Variants in ASIC2 observed in about 807,000 individuals in gnomAD.
The protein encoded by ASIC2 is acid sensing ion channel subunit 2, also known as acid-sensing ion channel 2.
A neutral mutation model predicts 57.3 loss-of-function variants in ASIC2; 25 were observed. That is an observed-to-expected ratio of 0.44 (90% CI 0.32 to 0.61). The LOEUF (loss-of-function observed/expected upper bound fraction) is 0.61. ASIC2 is among the 20% of genes least tolerant of loss of function. The pLI is 0.06. For missense variants in ASIC2, 641 were observed against 738.1 expected (o/e 0.87, Z 1.52); for synonymous variants, 319 against 307.5 (o/e 1.04, Z -0.39).
At chr17:34,109,960 G>A (rs191868439) in intron 1 of ASIC2, among the ~76,000 whole-genome samples, 45 of 151,862 alleles carry the variant, frequency 3.0e-4, no homozygotes, top group Non-Finnish European at 5.1e-4. Context: ...GTGTGTGAGA[G>A]AGAAAGAGAG....
intron 1 of ASIC2, among the ~76,000 whole-genome samples, chr17:33,845,377 T>C (rs1913551681): frequency 6.6e-6 from 1 of 152,218 alleles, no homozygotes; most frequent in African/African-American, 2.4e-5. Flanking sequence ...AGAATGCTTG[T>C]ATTTCATTGA....
At chr17:33,087,381 G>C (rs1193124793) in intron 3 of ASIC2, among the ~76,000 whole-genome samples, 1 of 151,932 alleles carries the variant, frequency 6.6e-6, no homozygotes, top group African/African-American at 2.4e-5. Flanking sequence ...TAGAGGCCAG[G>C]CTAACCTTCC....
At chr17:33,122,638 C>T (rs1275505876) in intron 1 of ASIC2, among the ~76,000 whole-genome samples, 3 of 152,156 alleles carry the variant, frequency 2.0e-5, no homozygotes, top group African/African-American at 4.8e-5. Flanking sequence ...ACCTCACATA[C>T]TTATCATGTC....
intron 1 of ASIC2, among the ~76,000 whole-genome samples, chr17:33,477,676 G>A (rs1009150351): frequency 5.9e-5 from 9 of 152,188 alleles, no homozygotes; most frequent in Admixed American, 2.6e-4. Flanking sequence ...ACATGACCAC[G>A]TCCCTGCCCT....
intron 1 of ASIC2, among the ~76,000 whole-genome samples, chr17:33,886,042 C>T (rs755014640): frequency 2.6e-5 from 4 of 152,190 alleles, no homozygotes; most frequent in Non-Finnish European, 5.9e-5. Context: ...ATTTATCAGT[C>T]AGGATCAATA....
intron 1 of ASIC2, among the ~76,000 whole-genome samples, chr17:33,585,744 C>G (rs1473618522): frequency 6.6e-6 from 1 of 152,132 alleles, no homozygotes; most frequent in Non-Finnish European, 1.5e-5. Flanking sequence ...ATGTTATAAC[C>G]TGCATTTTAG....
intron 1 of ASIC2, among the ~76,000 whole-genome samples, chr17:33,717,684 C>A (rs769408728): frequency 5.3e-5 from 8 of 152,072 alleles, no homozygotes; most frequent in Non-Finnish European, 1.2e-4. Context: ...AGAGAAGAGC[C>A]ACCCCCTGCC....
chr17:33,719,649 T>C lies in ASIC2; in HGVS notation c.555+436329A>G, dbSNP rs1484306694. ...AACATCACAGTTGGGCATGGAGCCT[T>C]CAGTACCCTTTGAAGTTGGATTTAG... On this transcript the variant is annotated intron_variant, in intron 1 of 9. Coordinates refer to the ASIC2 transcript ENST00000359872. Among the ~76,000 whole-genome samples, 4 of 152,198 alleles carry C rather than the reference T, an allele frequency of 2.6e-5. No homozygotes were observed. The East Asian group carries it at 7.7e-4, about 29-fold the overall frequency.
chr17:33,218,704 T>C (rs1907589751), intron 1 of ASIC2, among the ~76,000 whole-genome samples: 1 of 152,172 alleles, frequency 6.6e-6, no homozygotes, highest in Non-Finnish European at 1.5e-5. Context: ...ACAGTAGGTG[T>C]TCAGTCAATG....
chr17:34,109,806 C>T lies in ASIC2; in HGVS notation c.555+46172G>A, dbSNP rs575314563. Among the ~76,000 whole-genome samples the T allele has an allele frequency of 1.1e-3, 161 of 152,236 alleles. 2 individuals are homozygous for T. The highest frequency in any genetic ancestry group is 3.5e-3 in the African/African-American group (145 of 41,542). The stretch of plus-strand genomic sequence containing the variant: ...AATAAAAATTTGGAGGCATGATTTT[C>T]CCAAGATCACACAGCAGTCATGGAT... On this transcript the variant is annotated intron_variant, in intron 1 of 9. Transcript: ENST00000359872.
chr17:33,988,289 G>A (rs2142008224), intron 1 of ASIC2, among the ~76,000 whole-genome samples: 1 of 152,256 alleles, frequency 6.6e-6, no homozygotes, highest in South Asian at 2.1e-4. Context: ...TTACCTCCTT[G>A]CTCAGTGGAA....
rs533501693 is a variant in ASIC2 at position 33,481,267 on chromosome 17, G to A, written c.556-369200C>T. ...CCCTGGCCATCTCTTTTTCTCACGC[G>A]TGCTTACTCTTCATAGTGGTTATTT... On this transcript the variant is annotated intron_variant, in intron 1 of 9. Transcript: ENST00000359872. Among the ~76,000 whole-genome samples, 17 of 152,048 alleles carry A rather than the reference G, an allele frequency of 1.1e-4. No individual in the cohort carries two copies. The East Asian group carries it at 1.9e-3, about 17-fold the overall frequency.
At chr17:34,139,277 T>A (rs1029871629) in intron 1 of ASIC2, among the ~76,000 whole-genome samples, 1 of 152,214 alleles carries the variant, frequency 6.6e-6, no homozygotes, top group Non-Finnish European at 1.5e-5. Flanking sequence ...AATCTCACCA[T>A]GTTTTTAAAT....
chr17:33,993,997 T>C (rs1241882055), intron 1 of ASIC2, among the ~76,000 whole-genome samples: 1 of 152,154 alleles, frequency 6.6e-6, no homozygotes, highest in Admixed American at 6.5e-5. Flanking sequence ...GTAGTGAATG[T>C]GTCTTTTTTG....
chr17:33,406,383 A>G (rs1028208364), intron 1 of ASIC2, among the ~76,000 whole-genome samples: 1 of 152,204 alleles, frequency 6.6e-6, no homozygotes, highest in African/African-American at 2.4e-5. Flanking sequence ...GGCATAAATT[A>G]TAAATAATGA....
At chr17:33,239,679 C>G (rs1208193907) in intron 1 of ASIC2, among the ~76,000 whole-genome samples, 1 of 152,152 alleles carries the variant, frequency 6.6e-6, no homozygotes, top group African/African-American at 2.4e-5. Flanking sequence ...CCACCCTGCC[C>G]CCCACACAAA....
chr17:33,453,666 AG>A (rs1284541163), intron 1 of ASIC2, among the ~76,000 whole-genome samples: 3 of 152,216 alleles, frequency 2.0e-5, no homozygotes, highest in Non-Finnish European at 2.9e-5. Context: ...TGTATTTTTA[AG>A]GGTACGACTT....
intron 1 of ASIC2, chr17:33,816,822 C>A (rs1271541535): frequency 2.0e-5 from 3 of 152,228 alleles, no homozygotes; most frequent in Admixed American, 6.5e-5. Flanking sequence ...ATTAATGGGG[C>A]CTTTCCCAGT....
At chr17:33,190,914 G>A (rs926835171) in intron 1 of ASIC2, among the ~76,000 whole-genome samples, 4 of 152,156 alleles carry the variant, frequency 2.6e-5, no homozygotes, top group East Asian at 3.8e-4. Flanking sequence ...AAACAGTTTG[G>A]CAATGTCTTT....
Sources: gnomAD v4.1 joint callset for allele counts (sites outside exome capture counted in the v4.1 genomes callset) on GRCh38, gnomAD v4.1.1 for gene constraint, MANE v1.5 for transcripts, NCBI Gene and HGNC (gene_info 2026-07-23, HGNC 2026-07-21) for gene names.